Variants in PLA2G4A observed in about 807,000 individuals in gnomAD.
The protein encoded by PLA2G4A is cytosolic phospholipase A2.
In PLA2G4A, 40 loss-of-function variants were observed where a neutral mutation model predicts 81.9. The ratio of observed to expected loss-of-function variants is 0.49; its 90% CI spans 0.38 to 0.64. The LOEUF is 0.64. PLA2G4A is among the 30% of genes least tolerant of loss of function. PLA2G4A has a pLI of 0.00. For missense variants in PLA2G4A, 715 were observed against 905.1 expected (o/e 0.79, Z 2.69); for synonymous variants, 302 against 296.9 (o/e 1.02, Z -0.18).
At chr1:186,985,750 T>G (rs1236164714) in intron 17 of PLA2G4A, among the ~76,000 whole-genome samples, 1 of 152,044 alleles carries the variant, frequency 6.6e-6, no homozygotes, top group African/African-American at 2.4e-5. Flanking sequence ...GGATAGGTGG[T>G]GAGGCTGGAG....
chr1:186,945,822 G>A (rs556360173), intron 10 of PLA2G4A, among the ~76,000 whole-genome samples: 19 of 152,244 alleles, frequency 1.2e-4, no homozygotes, highest in African/African-American at 4.3e-4. Context: ...CGTAGCCATG[G>A]GAATACATGA....
intron 17 of PLA2G4A, among the ~76,000 whole-genome samples, chr1:186,983,275 C>T (rs574737713): frequency 6.6e-6 from 1 of 152,232 alleles, no homozygotes; most frequent in Admixed American, 6.5e-5. Context: ...CTGCTGTAGA[C>T]CATCAGAGTT....
chr1:186,956,089 T>A lies in PLA2G4A; in HGVS notation c.1337-13T>A, dbSNP rs1424979541. Reference sequence around the variant, plus strand: ...TTTTGGAGTCTGTATGGTGACCTTTTATTTTTCCCTAGGCACTGAAAATGA... The same window carrying A: ...TTTTGGAGTCTGTATGGTGACCTTTAATTTTTCCCTAGGCACTGAAAATGA... On this transcript the variant is annotated splice_polypyrimidine_tract_variant and intron_variant, in intron 13 of 17. Transcript: ENST00000367466. The A allele has an allele frequency of 6.2e-7, 1 of 1,612,068 alleles. No homozygotes were observed. The highest frequency in any genetic ancestry group is 8.5e-7 in the Non-Finnish European group (1 of 1,178,492).
intron 3 of PLA2G4A, among the ~76,000 whole-genome samples, chr1:186,884,256 CTTTT>C (rs758656530): frequency 1.5e-5 from 2 of 136,298 alleles, no homozygotes; most frequent in Admixed American, 7.4e-5. Context: ...AATCCTCCCC[CTTTT>C]TTTTTTTTTT....
chr1:186,907,217 C>T (rs1037328048), intron 6 of PLA2G4A, among the ~76,000 whole-genome samples: 2 of 151,966 alleles, frequency 1.3e-5, no homozygotes, highest in African/African-American at 4.8e-5. Context: ...ATATGCTTTG[C>T]TTATTTTTCC....
intron 1 of PLA2G4A, among the ~76,000 whole-genome samples, chr1:186,848,087 A>G (rs1280815699): frequency 2.0e-5 from 3 of 152,148 alleles, no homozygotes; most frequent in Non-Finnish European, 4.4e-5. Flanking sequence ...GAAGTGGACC[A>G]CAAGATGCAC....
chr1:186,886,718 T>C (rs1198351231), intron 3 of PLA2G4A, among the ~76,000 whole-genome samples: 1 of 152,202 alleles, frequency 6.6e-6, no homozygotes, highest in Non-Finnish European at 1.5e-5. Context: ...ATTTATTTTC[T>C]CGTGGCCATT....
At chr1:186,942,934 A>T (rs948944004) in intron 10 of PLA2G4A, among the ~76,000 whole-genome samples, 2 of 152,074 alleles carry the variant, frequency 1.3e-5, no homozygotes, top group African/African-American at 4.8e-5. Context: ...AACATTAATT[A>T]TATGAATCTT....
intron 3 of PLA2G4A, 59 bp downstream of exon 3, chr1:186,870,575 C>T: frequency 8.0e-7 from 1 of 1,251,618 alleles, no homozygotes; most frequent in South Asian, 1.2e-5. Flanking sequence ...CCTTTAATTG[C>T]TTGAGTTCCT....
intron 13 of PLA2G4A, among the ~76,000 whole-genome samples, 182 bp from the exon 14 acceptor site, chr1:186,955,920 T>A (rs1656732663): frequency 6.6e-6 from 1 of 151,032 alleles, no homozygotes; most frequent in African/African-American, 2.4e-5. Context: ...TTTTGTATTT[T>A]TAGTAGAGAT....
At chr1:186,941,459 C>T (rs6697145) in intron 10 of PLA2G4A, among the ~76,000 whole-genome samples, 85,095 of 152,064 alleles carry the variant, frequency 0.56, 25,331 homozygotes, top group African/African-American at 0.76. Context: ...TGGTTCAGAA[C>T]GCACTTATCA....
At chr1:186,984,044 GA>G (rs1557904422) in intron 17 of PLA2G4A, among the ~76,000 whole-genome samples, 2 of 152,108 alleles carry the variant, frequency 1.3e-5, no homozygotes, top group African/African-American at 2.4e-5. Flanking sequence ...AACCCCTTAA[GA>G]ACAGTGACTT....
intron 2 of PLA2G4A, among the ~76,000 whole-genome samples, chr1:186,868,374 C>T (rs1424870250): frequency 1.3e-5 from 2 of 151,976 alleles, no homozygotes; most frequent in African/African-American, 2.4e-5. Context: ...CATTGGGCCC[C>T]GCCCGGTGTC....
At chr1:186,910,378 G>T (rs1654898570) in intron 6 of PLA2G4A, among the ~76,000 whole-genome samples, 1 of 152,086 alleles carries the variant, frequency 6.6e-6, no homozygotes, top group African/African-American at 2.4e-5. Context: ...TAGGCTGACA[G>T]ATTTTTAAAA....
intron 10 of PLA2G4A, among the ~76,000 whole-genome samples, chr1:186,942,272 G>A (rs1051669323): frequency 6.6e-6 from 1 of 152,118 alleles, no homozygotes; most frequent in Admixed American, 6.6e-5. Flanking sequence ...ATCTTGTGGA[G>A]CTTTGAAATT....
chr1:186,957,652 T>C (rs1018607487), intron 14 of PLA2G4A, among the ~76,000 whole-genome samples: 18 of 152,186 alleles, frequency 1.2e-4, no homozygotes, highest in Admixed American at 3.9e-4. Context: ...GAACTATCTC[T>C]CCAGTTCTCA....
At chr1:186,886,215 T>C (rs1266861445) in intron 3 of PLA2G4A, among the ~76,000 whole-genome samples, 1 of 152,178 alleles carries the variant, frequency 6.6e-6, no homozygotes, top group Non-Finnish European at 1.5e-5. Flanking sequence ...AGGCGTGGTA[T>C]AGATGCAAGC....
intron 12 of PLA2G4A, among the ~76,000 whole-genome samples, chr1:186,949,548 T>G (rs1177491449): frequency 6.6e-6 from 1 of 152,142 alleles, no homozygotes; most frequent in African/African-American, 2.4e-5. Flanking sequence ...TGTAACAAAA[T>G]TACTATTGAT....
At chr1:186,852,876 A>T (rs1230815890) in intron 1 of PLA2G4A, among the ~76,000 whole-genome samples, 1 of 152,004 alleles carries the variant, frequency 6.6e-6, no homozygotes, top group Non-Finnish European at 1.5e-5. Context: ...AACAAAGATT[A>T]TAGTAATTTA....
Sources: allele counts gnomAD v4.1 joint callset (sites outside exome capture counted in the v4.1 genomes callset), GRCh38; gene constraint gnomAD v4.1.1; transcripts MANE v1.5; gene names NCBI Gene and HGNC (gene_info 2026-07-23, HGNC 2026-07-21).